Variants in POGLUT2 observed in about 807,000 individuals in gnomAD.
POGLUT2 encodes ER protein 58.
Under a neutral mutation model 57.6 loss-of-function variants are expected in POGLUT2, and 47 were observed. The observed-to-expected ratio is 0.82, with a 90% confidence interval of 0.65 to 1.04. The LOEUF (loss-of-function observed/expected upper bound fraction) is 1.04. POGLUT2 is among the 50% of genes least tolerant of loss of function. The pLI, the probability that POGLUT2 is intolerant of heterozygous loss-of-function variation, is 0.00. For missense variants in POGLUT2, 565 were observed against 614.8 expected (o/e 0.92, Z 0.86); for synonymous variants, 200 against 218.8 (o/e 0.91, Z 0.76).
rs73570230 is a variant in POGLUT2 at position 102,797,606 on chromosome 13, G to T, written c.183-597C>A. Among the ~76,000 whole-genome samples, 1,031 of 150,038 alleles carry T rather than the reference G, an allele frequency of 6.9e-3. 17 individuals are homozygous for T. Among genetic ancestry groups the T allele is most frequent in the African/African-American group, 0.025 (984 of 40,074 alleles). On this transcript the variant is annotated intron_variant, in intron 1 of 9. Transcript: ENST00000376004. ...AATAAAAAACAAATAGCCAGGCGAG[G>T]TGGCACACGCCTGTAGTCCCAACTA...
chr13:102,789,727 C>A (rs908938388), intron 6 of POGLUT2, among the ~76,000 whole-genome samples: 3 of 152,104 alleles, frequency 2.0e-5, no homozygotes, highest in African/African-American at 7.2e-5. Context: ...CATCCCCAGT[C>A]GCTGGCATTA....
intron 4 of POGLUT2, chr13:102,791,895 T>C: frequency 1.1e-6 from 1 of 875,492 alleles, no homozygotes; most frequent in Non-Finnish European, 1.6e-6. Flanking sequence ...GCAAATGGCA[T>C]GAATATGTAA....
intron 1 of POGLUT2, among the ~76,000 whole-genome samples, chr13:102,797,801 C>T (rs186116527): frequency 1.2e-3 from 181 of 152,120 alleles, no homozygotes; most frequent in African/African-American, 4.2e-3. Context: ...AGTGTATCAT[C>T]TTTTGCCAAA....
intron 2 of POGLUT2, among the ~76,000 whole-genome samples, chr13:102,796,416 C>T (rs1878391687): frequency 6.6e-6 from 1 of 151,160 alleles, no homozygotes; most frequent in African/African-American, 2.4e-5. Flanking sequence ...GTCTTTCGAG[C>T]TATCTCCCTT....
At chr13:102,794,855 T>C (rs1878312248) in intron 2 of POGLUT2, among the ~76,000 whole-genome samples, 1 of 152,094 alleles carries the variant, frequency 6.6e-6, no homozygotes, top group Non-Finnish European at 1.5e-5. Flanking sequence ...TACAAACAGG[T>C]TCTTAAAGTG....
At chr13:102,793,875 A>T in intron 2 of POGLUT2, 69 bp from the exon 3 acceptor site, 1 of 1,334,358 alleles carries the variant, frequency 7.5e-7, no homozygotes, top group Non-Finnish European at 1.1e-6. Flanking sequence ...TGTAATAAAC[A>T]TCTATAATGT....
At position 102,788,999 on chromosome 13, in the gene POGLUT2, G is replaced by A. The variant is rs2139085728; in HGVS notation, c.1293+13C>T. 6.2e-7 allele frequency: 1 copy of A among 1,606,112 alleles called. No individual in the cohort carries two copies. Among genetic ancestry groups the A allele is most frequent in the Non-Finnish European group, 8.5e-7 (1 of 1,173,642 alleles). On this transcript the variant is annotated intron_variant, in intron 7 of 9. Transcript: ENST00000376004. ...AACAAGTGGAAATAAGCCTTCAAGG[G>A]GACTAACCTTACCTCTTCATCGTGA... is the stretch of plus-strand genomic sequence containing the variant.
At position 102,796,938 on chromosome 13, in the gene POGLUT2, A is replaced by G. The variant is rs1269169248; in HGVS notation, c.254T>C (p.Val85Ala). The G allele has an allele frequency of 1.2e-6, 2 of 1,613,566 alleles. No individual in the cohort carries two copies. The highest frequency in any genetic ancestry group is 8.5e-7 in the Non-Finnish European group (1 of 1,179,716). The change falls in exon 2 of 10, where the codon GTT (valine) becomes GCT (alanine). Residue 85 changes from valine to alanine, a missense_variant. Transcript: ENST00000376004. ...TTTTCGGTCTAAAACCTGGACTCCA[A>G]CTCTAGTGAATTGCTCCTCTGGTGC... ...VSAPEEQFTR[V>A]GVQVLDRKDG... is the part of the protein sequence containing the mutation.
chr13:102,784,883 G>C (rs1192178219), intron 9 of POGLUT2, among the ~76,000 whole-genome samples: 2 of 152,196 alleles, frequency 1.3e-5, no homozygotes, highest in Non-Finnish European at 2.9e-5. Flanking sequence ...CAATCACGTA[G>C]ATGAAGATAA....
At chr13:102,790,198 T>C (rs1023567720) in intron 6 of POGLUT2, among the ~76,000 whole-genome samples, 1 of 152,226 alleles carries the variant, frequency 6.6e-6, no homozygotes, top group East Asian at 1.9e-4. Context: ...TAGGTCAACC[T>C]GCCTCAACAA....
At chr13:102,796,697 A>ATATATATATATAT (rs1555319602) in intron 2 of POGLUT2, 107 bp downstream of exon 2, 1 of 139,110 alleles carries the variant, frequency 7.2e-6, no homozygotes, top group African/African-American at 3.7e-5. Context: ...AAAAAAAAAA[A>ATATATATATATAT]AAATATATAT....
At position 102,789,185 on chromosome 13, in the gene POGLUT2, C is replaced by T. The variant is rs377520885; in HGVS notation, c.1120G>A (p.Ala374Thr). 1.7e-5 allele frequency: 27 copies of T among 1,614,028 alleles called. No homozygotes were observed. Among genetic ancestry groups the T allele is most frequent in the East Asian group, 1.3e-4 (6 of 44,900 alleles). The change falls in exon 7 of 10, where the codon GCT becomes ACT. Residue 374 changes from alanine to threonine, a missense_variant. Coordinates refer to ENST00000376004, the MANE Select transcript of POGLUT2 (RefSeq NM_024089.3). Reference sequence around the variant, plus strand: ...ACTAGCAAATATGGCAGGCGATAAGCTGCTACAGTGCCATCGATATTTATT... The same window carrying T: ...ACTAGCAAATATGGCAGGCGATAAGTTGCTACAGTGCCATCGATATTTATT... ...YQINIDGTVA[A>T]YRLPYLLVGD...
Position 102,798,532 on chromosome 13 carries a change from C to T in POGLUT2, c.139G>A (p.Ala47Thr). 1 of 1,612,142 alleles carries T rather than the reference C, an allele frequency of 6.2e-7. No individual in the cohort carries two copies. Among genetic ancestry groups the T allele is most frequent in the Non-Finnish European group, 8.5e-7 (1 of 1,179,084 alleles). The change falls in exon 1 of 10, where the codon GCC becomes ACC. Residue 47 changes from alanine to threonine, a missense_variant. Coordinates refer to ENST00000376004, the MANE Select transcript of POGLUT2 (RefSeq NM_024089.3). ...PGLKADVVLP[A>T]RYFYIQAVDT... Reference sequence around the variant, plus strand: ...ACTGCCTGAATATAGAAATAGCGGGCGGGAAGGACGACGTCTGCTTTTAGC... The same window carrying T: ...ACTGCCTGAATATAGAAATAGCGGGTGGGAAGGACGACGTCTGCTTTTAGC...
chr13:102,793,887 G>T, intron 2 of POGLUT2, 81 bp from the exon 3 acceptor site: 2 of 1,260,506 alleles, frequency 1.6e-6, no homozygotes, highest in Non-Finnish European at 2.3e-6. Context: ...CTATAATGTG[G>T]CTTCATGAAT....
Position 102,794,411 on chromosome 13 carries a change from C to T in POGLUT2, c.389-605G>A, listed in dbSNP as rs563159681. Among the ~76,000 whole-genome samples, 20 of 152,124 alleles carry T rather than the reference C, an allele frequency of 1.3e-4. No individual in the cohort carries two copies. In the South Asian group the frequency reaches 3.5e-3, roughly 27 times the overall value. Reference sequence around the variant, plus strand: ...GTGCAGTGGCTCACGTCTGTAATACCAGCACTTTGGGAGGCTGAGGTGGGT... The same window carrying T: ...GTGCAGTGGCTCACGTCTGTAATACTAGCACTTTGGGAGGCTGAGGTGGGT... On this transcript the variant is annotated intron_variant, in intron 2 of 9. Transcript: ENST00000376004.
Position 102,798,611 on chromosome 13 carries a change from C to T in POGLUT2, c.60G>A (p.Glu20=). The T allele has an allele frequency of 6.2e-7, 1 of 1,613,482 alleles. No homozygotes were observed. The highest frequency in any genetic ancestry group is 1.3e-5 in the African/African-American group (1 of 75,016). The stretch of plus-strand genomic sequence containing the variant: ...GGCTCAGCTGCCTTTCTCCGCCGGT[C>T]TCGGCGAGTGCTGGAACTGTCGCCA... ...FFLATVPALA[E]TGGERQLSPE... is the part of the protein sequence containing the mutation. Residue 20 remains glutamate (E), a synonymous_variant, in exon 1 of 10, where the codon GAG becomes GAA. Coordinates refer to ENST00000376004, the MANE Select transcript of POGLUT2 (RefSeq NM_024089.3).
chr13:102,788,488 TTTG>T (rs528319481), intron 7 of POGLUT2, among the ~76,000 whole-genome samples: 6 of 152,098 alleles, frequency 3.9e-5, no homozygotes, highest in Admixed American at 6.6e-5. Context: ...GTTGTTGTTG[TTTG>T]TTGTTGTTGT....
intron 7 of POGLUT2, 68 bp downstream of exon 7, chr13:102,788,944 T>C: frequency 3.8e-6 from 5 of 1,324,438 alleles, no homozygotes; most frequent in East Asian, 2.3e-5. Context: ...CCAGGTACAA[T>C]ACATTTCAAA....
At chr13:102,788,397 C>T (rs111300036) in intron 7 of POGLUT2, among the ~76,000 whole-genome samples, 8,118 of 152,248 alleles carry the variant, frequency 0.053, 328 homozygotes, top group Non-Finnish European at 0.08. Flanking sequence ...ACATTGCTAG[C>T]GGAGGCAATG....
Sources: gnomAD v4.1 joint callset for allele counts (sites outside exome capture counted in the v4.1 genomes callset) on GRCh38, gnomAD v4.1.1 for gene constraint, MANE v1.5 for transcripts, NCBI Gene and HGNC (gene_info 2026-07-23, HGNC 2026-07-21) for gene names.